ANKAR: variants seen among roughly 807,000 people sequenced by gnomAD.
The protein encoded by ANKAR is ankyrin and armadillo repeat-containing protein.
In ANKAR, 136 loss-of-function variants were observed where a neutral mutation model predicts 146.2. The observed-to-expected ratio is 0.93, with a 90% CI of 0.81 to 1.07. The LOEUF (loss-of-function observed/expected upper bound fraction) is 1.07, where lower values mean the gene tolerates loss of function less well. Among genes scored for constraint, ANKAR ranks in the 50% least tolerant of loss-of-function variants. ANKAR has a pLI of 0.00. For missense variants in ANKAR, 1,567 were observed against 1,679.9 expected (o/e 0.93, Z 1.18); for synonymous variants, 500 against 575.8 (o/e 0.87, Z 1.88).
At chr2:189,714,524 C>T (rs1378829848) in intron 10 of ANKAR, among the ~76,000 whole-genome samples, 5 of 152,244 alleles carry the variant, frequency 3.3e-5, no homozygotes, top group Middle Eastern at 3.4e-3. Flanking sequence ...GGGTAAATAA[C>T]GAAATGAAGG....
chr2:189,690,773 G>T (rs1012628765), intron 3 of ANKAR, among the ~76,000 whole-genome samples: 1 of 152,154 alleles, frequency 6.6e-6, no homozygotes. Flanking sequence ...ACAGGGCATG[G>T]CTCTTGGGTG....
At chr2:189,735,701 G>C (rs1032276470) in intron 17 of ANKAR, among the ~76,000 whole-genome samples, 6 of 152,170 alleles carry the variant, frequency 3.9e-5, no homozygotes, top group African/African-American at 1.4e-4. Flanking sequence ...AGATGCAATA[G>C]GTTATGTGTT....
At chr2:189,753,831 C>T in intron 18 of ANKAR, 3 of 1,400,370 alleles carry the variant, frequency 2.1e-6, no homozygotes, top group South Asian at 2.6e-5. Context: ...AAGATCTGTT[C>T]ATCCTAAACA....
At chr2:189,728,545 C>A in intron 14 of ANKAR, 115 bp from the exon 15 acceptor site, 1 of 1,477,378 alleles carries the variant, frequency 6.8e-7, no homozygotes, top group East Asian at 2.3e-5. Flanking sequence ...TCAAGTGATC[C>A]TCTTGCCTCA....
intron 13 of ANKAR, 21 bp from the exon 14 acceptor site, chr2:189,728,246 A>G: frequency 4.4e-6 from 7 of 1,575,628 alleles, no homozygotes; most frequent in Non-Finnish European, 6.0e-6. Flanking sequence ...CACTGAATTA[A>G]TGAAATATTT....
downstream of ANKAR, chr2:189,762,503 T>G: frequency 1.2e-6 from 1 of 814,462 alleles, no homozygotes; most frequent in Non-Finnish European, 1.5e-6. Flanking sequence ...TAACAAAATC[T>G]GGACAAGGAG....
chr2:189,691,400 C>G (rs766026153), intron 3 of ANKAR, among the ~76,000 whole-genome samples: 16 of 152,168 alleles, frequency 1.1e-4, no homozygotes, highest in African/African-American at 1.9e-4. Flanking sequence ...AGTTTCATTA[C>G]TTTCCAGAAA....
At chr2:189,744,146 A>AG (rs1404438751) in intron 21 of ANKAR, among the ~76,000 whole-genome samples, 3 of 152,228 alleles carry the variant, frequency 2.0e-5, no homozygotes, top group Non-Finnish European at 4.4e-5. Flanking sequence ...GGAAGAGAAT[A>AG]GGATCCAATA....
chr2:189,756,728 C>T (rs1396520306), intron 18 of ANKAR, among the ~76,000 whole-genome samples: 1 of 152,154 alleles, frequency 6.6e-6, no homozygotes, highest in Non-Finnish European at 1.5e-5. Context: ...TATCACCACT[C>T]CCACTGCCAA....
chr2:189,685,349 A>C (rs986832156), intron 2 of ANKAR, among the ~76,000 whole-genome samples: 1 of 151,620 alleles, frequency 6.6e-6, no homozygotes, highest in Admixed American at 6.6e-5. Context: ...TGTACTTACT[A>C]CTAATTCAGT....
At chr2:189,733,336 A>G in intron 17 of ANKAR, 107 bp downstream of exon 17, 1 of 961,162 alleles carries the variant, frequency 1.0e-6, no homozygotes, top group South Asian at 2.3e-5. Context: ...GTATTGTTTA[A>G]GAAAAGACAT....
In ANKAR at chr2:189,718,729, C is replaced by G. The variant is rs184683598; in HGVS notation, c.2225-843C>G. Among the ~76,000 whole-genome samples, 227 of 148,884 alleles carry G rather than the reference C, an allele frequency of 1.5e-3. 1 individual carries two copies. The highest frequency in any genetic ancestry group is 5.4e-3 in the African/African-American group (221 of 40,786). ...AAGTATAACAGGCATCCACCTGAAG[C>G]CAGATTTTCTATTTTCTTTTTTTTT... On this transcript the variant is annotated intron_variant, in intron 10 of 22. Transcript: ENST00000684021.
intron 2 of ANKAR, among the ~76,000 whole-genome samples, chr2:189,687,607 C>T (rs1411731675): frequency 6.6e-6 from 1 of 152,208 alleles, no homozygotes; most frequent in African/African-American, 2.4e-5. Context: ...CTTTTCTCCA[C>T]ATCCTGCCAG....
downstream of ANKAR, chr2:189,762,708 A>G (rs1475396016): frequency 4.1e-6 from 4 of 985,388 alleles, no homozygotes; most frequent in South Asian, 4.7e-5. Flanking sequence ...GGCAGTAGCT[A>G]GCACTTGTCT....
At chr2:189,677,736 C>G (rs1169251944) in intron 2 of ANKAR, among the ~76,000 whole-genome samples, 2 of 151,452 alleles carry the variant, frequency 1.3e-5, no homozygotes, top group East Asian at 3.9e-4. Flanking sequence ...GCCTCGAACC[C>G]CTGGCCTCAT....
chr2:189,743,082 A>G (rs2043610083), intron 20 of ANKAR, among the ~76,000 whole-genome samples, 193 bp from the exon 21 acceptor site: 1 of 152,026 alleles, frequency 6.6e-6, no homozygotes, highest in South Asian at 2.1e-4. Context: ...CTAGAAATCA[A>G]TGGCAGTTGA....
intron 21 of ANKAR, 131 bp downstream of exon 21, chr2:189,743,605 T>G (rs570671251): frequency 1.2e-6 from 1 of 858,172 alleles, no homozygotes; most frequent in South Asian, 1.8e-5. Flanking sequence ...AGGATAAACT[T>G]TATTCTAAAT....
At chr2:189,745,319 TTA>T (rs1468383356) in intron 22 of ANKAR, among the ~76,000 whole-genome samples, 1 of 152,176 alleles carries the variant, frequency 6.6e-6, no homozygotes, top group African/African-American at 2.4e-5. Flanking sequence ...GCCTTCCCTA[TTA>T]TATCACTTGA....
intron 10 of ANKAR, among the ~76,000 whole-genome samples, chr2:189,716,486 A>G (rs2105755998): frequency 6.6e-6 from 1 of 152,266 alleles, no homozygotes; most frequent in East Asian, 1.9e-4. Flanking sequence ...GATAGGAAGA[A>G]TCAATATTGT....
Sources: allele counts gnomAD v4.1 joint callset (sites outside exome capture counted in the v4.1 genomes callset), GRCh38; gene constraint gnomAD v4.1.1; transcripts MANE v1.5; gene names NCBI Gene and HGNC (gene_info 2026-07-23, HGNC 2026-07-21).